The following TCF4 variants were observed in gnomAD, a reference collection of about 807,000 sequenced individuals.
TCF4 encodes the protein SL3-3 enhancer factor 2.
A neutral mutation model predicts 82.1 loss-of-function variants in TCF4; 3 were observed. The ratio of observed to expected loss-of-function variants is 0.04; its 90% CI spans 0.02 to 0.09. The LOEUF (loss-of-function observed/expected upper bound fraction) is 0.09, where lower values mean the gene tolerates loss of function less well. Among genes scored for constraint, TCF4 ranks in the 10% least tolerant of loss-of-function variants. TCF4 has a pLI of 1.00. For missense variants in TCF4, 518 were observed against 852.7 expected (o/e 0.61, Z 4.89); for synonymous variants, 276 against 309.6 (o/e 0.89, Z 1.14).
intron 3 of TCF4, among the ~76,000 whole-genome samples, chr18:55,561,424 T>C (rs535410045): frequency 1.3e-3 from 202 of 152,314 alleles, no homozygotes; most frequent in African/African-American, 4.7e-3. Context: ...GCTCAATACA[T>C]TGGCAAAATT....
chr18:55,455,357 A>G (rs1311365381), intron 5 of TCF4, among the ~76,000 whole-genome samples: 2 of 152,014 alleles, frequency 1.3e-5, no homozygotes, highest in Non-Finnish European at 2.9e-5. Flanking sequence ...ATACTTGTTA[A>G]TATTTCAGGA....
At chr18:55,270,614 C>T (rs2060151763) in intron 10 of TCF4, among the ~76,000 whole-genome samples, 1 of 152,060 alleles carries the variant, frequency 6.6e-6, no homozygotes, top group Non-Finnish European at 1.5e-5. Context: ...CTTTCCATGC[C>T]CCACCTACAA....
rs779966113 is a variant in TCF4 at position 55,285,628 on chromosome 18, A to C, written c.550-5972T>G. 5.7e-4 allele frequency among the ~76,000 whole-genome samples: 87 copies of C among 152,344 alleles called. 2 individuals carry two copies. The highest frequency in any genetic ancestry group is 3.4e-3 in the Middle Eastern group (1 of 294). ...ATACAGTCACTAGTTACCATACTGAACATCACCAACACAGGACTTTCTCAT... is the reference window on the plus strand; with the variant it reads ...ATACAGTCACTAGTTACCATACTGACCATCACCAACACAGGACTTTCTCAT... On this transcript the variant is annotated intron_variant, in intron 8 of 19. Coordinates refer to ENST00000354452, the MANE Select transcript of TCF4 (RefSeq NM_001083962.2).
rs370693034 is a variant in TCF4, at chr18:55,425,516, GA to G, written c.305-21999del. Among the ~76,000 whole-genome samples the G allele has an allele frequency of 5.6e-4, 82 of 145,232 alleles. 1 individual carries two copies. Among genetic ancestry groups the G allele is most frequent in the East Asian group, 5.9e-4 (3 of 5,048 alleles). On this transcript the variant is annotated intron_variant, in intron 5 of 19. Coordinates refer to ENST00000354452, the MANE Select transcript of TCF4 (RefSeq NM_001083962.2). The stretch of plus-strand genomic sequence containing the variant: ...AAGGAACCTCATATCTGAAGTCAAG[GA>G]AAAAAAAAAACAGAAAACATATTAA...
chr18:55,365,523 C>T (rs1421308796), intron 6 of TCF4, among the ~76,000 whole-genome samples: 1 of 151,926 alleles, frequency 6.6e-6, no homozygotes, highest in Non-Finnish European at 1.5e-5. Flanking sequence ...CTCCCTAATG[C>T]TCTCCCCCAG....
intron 8 of TCF4, chr18:55,321,173 C>T (rs1158371868): frequency 6.1e-6 from 1 of 164,294 alleles, no homozygotes; most frequent in South Asian, 1.6e-4. Flanking sequence ...TTCAGGTTCT[C>T]TCCACTCTAT....
chr18:55,275,814 G>T, intron 9 of TCF4, 62 bp from the exon 10 acceptor site: 3 of 1,606,230 alleles, frequency 1.9e-6, no homozygotes, highest in Non-Finnish European at 2.6e-6. Flanking sequence ...ATAGAATAGG[G>T]TTTTTTCATA....
intron 1 of TCF4, chr18:55,631,487 T>G: frequency 2.3e-6 from 3 of 1,327,064 alleles, no homozygotes; most frequent in South Asian, 2.8e-5. Flanking sequence ...GATAATGTTT[T>G]GGGTTAGGGT....
intron 5 of TCF4, among the ~76,000 whole-genome samples, chr18:55,455,346 C>T (rs1375078944): frequency 6.6e-6 from 1 of 151,880 alleles, no homozygotes; most frequent in Admixed American, 6.6e-5. Flanking sequence ...TCAAACGAGT[C>T]ATACTTGTTA....
At chr18:55,336,830 C>T (rs1005924654) in intron 8 of TCF4, among the ~76,000 whole-genome samples, 6 of 151,980 alleles carry the variant, frequency 3.9e-5, no homozygotes, top group Non-Finnish European at 5.9e-5. Flanking sequence ...ATCTTTCATA[C>T]GACATCCATC....
intron 3 of TCF4, among the ~76,000 whole-genome samples, chr18:55,503,204 C>T (rs1392086668): frequency 3.9e-5 from 6 of 152,192 alleles, no homozygotes; most frequent in Non-Finnish European, 5.9e-5. Context: ...TTGTGTCAAA[C>T]TTTGAAGGTC....
intron 5 of TCF4, among the ~76,000 whole-genome samples, chr18:55,409,916 T>C (rs1255092795): frequency 6.6e-6 from 1 of 152,162 alleles, no homozygotes; most frequent in Non-Finnish European, 1.5e-5. Flanking sequence ...ATTTCCAACA[T>C]TTCAGAGAAG....
intron 3 of TCF4, among the ~76,000 whole-genome samples, chr18:55,480,228 G>T (rs960091126): frequency 1.1e-4 from 12 of 111,302 alleles, no homozygotes; most frequent in African/African-American, 4.2e-4. Context: ...GATGATTACA[G>T]ATAACAAGGA....
upstream of TCF4, among the ~76,000 whole-genome samples, chr18:55,589,108 A>C (rs994404126): frequency 6.6e-6 from 1 of 152,020 alleles, no homozygotes; most frequent in Non-Finnish European, 1.5e-5. Flanking sequence ...GAAAAAAAAA[A>C]CACACATTCT....
chr18:55,264,645 G>A (rs1285685793), intron 11 of TCF4: 1 of 150,422 alleles, frequency 6.6e-6, no homozygotes, highest in African/African-American at 2.5e-5. Context: ...ATACATTAAA[G>A]CTGAAAATGT....
At chr18:55,427,479 G>T (rs186257496) in intron 5 of TCF4, among the ~76,000 whole-genome samples, 1 of 152,320 alleles carries the variant, frequency 6.6e-6, no homozygotes, top group East Asian at 1.9e-4. Context: ...AAGTGGATCT[G>T]AGAGTCAAAC....
chr18:55,481,328 G>T (rs2096427498), intron 3 of TCF4, among the ~76,000 whole-genome samples: 1 of 152,092 alleles, frequency 6.6e-6, no homozygotes, highest in Admixed American at 6.5e-5. Context: ...CTTTGAAAAA[G>T]AGGTTATTAA....
chr18:55,619,074 T>A (rs1236562486), intron 2 of TCF4, among the ~76,000 whole-genome samples: 1 of 152,146 alleles, frequency 6.6e-6, no homozygotes, highest in Non-Finnish European at 1.5e-5. Flanking sequence ...TTTAGTAGAA[T>A]TCACTAGCAA....
chr18:55,537,134 G>GAA (rs1568343265), intron 3 of TCF4, among the ~76,000 whole-genome samples: 6 of 113,194 alleles, frequency 5.3e-5, no homozygotes, highest in Admixed American at 3.1e-4. Context: ...ACTCCGTCTC[G>GAA]GAAAAAAAAA....
Sources: allele counts gnomAD v4.1 joint callset (sites outside exome capture counted in the v4.1 genomes callset), GRCh38; gene constraint gnomAD v4.1.1; transcripts MANE v1.5; gene names NCBI Gene and HGNC (gene_info 2026-07-23, HGNC 2026-07-21).